NT5M: variants seen among roughly 807,000 people sequenced by gnomAD.
The protein encoded by NT5M is 5'(3')-deoxyribonucleotidase, mitochondrial.
Under a neutral mutation model 22.2 loss-of-function variants are expected in NT5M, and 22 were observed. The observed-to-expected ratio is 0.99, with a 90% CI of 0.71 to 1.41. The LOEUF is 1.41. Among genes scored for constraint, NT5M ranks in the 40% most tolerant of loss-of-function variants. The pLI is 0.00. For synonymous variants in NT5M, 167 were observed against 133.0 expected (o/e 1.26, Z -1.76); for missense variants, 322 against 314.8 (o/e 1.02, Z -0.17).
At chr17:17,345,048 G>A in intron 4 of NT5M, 140 bp downstream of exon 4, 1 of 1,295,198 alleles carries the variant, frequency 7.7e-7, no homozygotes, top group African/African-American at 1.5e-5. Context: ...CTCCCCTTCG[G>A]GAAGACAAGG....
chr17:17,325,995 C>T (rs1480705957), intron 3 of NT5M, among the ~76,000 whole-genome samples: 1 of 152,152 alleles, frequency 6.6e-6, no homozygotes, highest in East Asian at 1.9e-4. Context: ...AGGCTGGGCT[C>T]TCACCCTCCT....
intron 2 of NT5M, among the ~76,000 whole-genome samples, chr17:17,317,257 G>A (rs1456324764): frequency 6.6e-6 from 1 of 151,482 alleles, no homozygotes; most frequent in Non-Finnish European, 1.5e-5. Flanking sequence ...CACCGTATTA[G>A]CCAGGTTAGT....
At chr17:17,322,078 C>T (rs1430650385) in intron 2 of NT5M, among the ~76,000 whole-genome samples, 3 of 151,852 alleles carry the variant, frequency 2.0e-5, no homozygotes, top group Non-Finnish European at 4.4e-5. Flanking sequence ...TATGCACACA[C>T]ATATATGTGG....
chr17:17,304,449 C>G (rs1419886902), intron 1 of NT5M: 2 of 984,764 alleles, frequency 2.0e-6, no homozygotes, highest in African/African-American at 3.5e-5. Context: ...GGGAAAGATC[C>G]AAGGAGGGAC....
intron 2 of NT5M, among the ~76,000 whole-genome samples, chr17:17,316,398 A>G (rs2049028740): frequency 6.7e-6 from 1 of 148,630 alleles, no homozygotes; most frequent in Non-Finnish European, 1.5e-5. Flanking sequence ...TATTCGAGAC[A>G]GAGTTTCACT....
chr17:17,320,292 T>C (rs971434358), intron 2 of NT5M, among the ~76,000 whole-genome samples: 1 of 151,852 alleles, frequency 6.6e-6, no homozygotes, highest in Non-Finnish European at 1.5e-5. Flanking sequence ...CTTGGAGGGG[T>C]GAGAACTGGA....
chr17:17,330,292 C>T (rs906475964), intron 3 of NT5M, among the ~76,000 whole-genome samples: 4 of 144,000 alleles, frequency 2.8e-5, no homozygotes, highest in Non-Finnish European at 4.5e-5. Context: ...AGTCAGACTC[C>T]GTCTCAAAAA....
Position 17,303,586 on chromosome 17 carries a change from C to T in NT5M, c.36C>T (p.Leu12=). The part of the protein sequence containing the change: ...IRLGGWCARR[L]CSAAVPAGRR... ...TGGGCGGCTGGTGTGCGCGGCGGCT[C>T]TGCAGCGCGGCGGTTCCCGCGGGGC... Residue 12 remains leucine, a synonymous_variant, in exon 1 of 5, where the codon CTC becomes CTT. Transcript: ENST00000389022. The T allele has an allele frequency of 8.5e-7, 1 of 1,181,490 alleles. No individual in the cohort carries two copies. The highest frequency in any genetic ancestry group is 1.1e-6 in the Non-Finnish European group (1 of 951,952). The allele number at this position is 1,181,490 out of a possible 1,614,324, so 73.2% of individuals were successfully genotyped here.
chr17:17,341,017 C>T (rs2049631522), intron 3 of NT5M, among the ~76,000 whole-genome samples: 1 of 152,028 alleles, frequency 6.6e-6, no homozygotes, highest in African/African-American at 2.4e-5. Flanking sequence ...GTATGTTGTA[C>T]TTCCATTATC....
In NT5M at chr17:17,332,010, G is replaced by A. The variant is rs374940238; in HGVS notation, c.429+8765G>A. 5.6e-4 allele frequency among the ~76,000 whole-genome samples: 83 copies of A among 148,400 alleles called. 2 individuals are homozygous for A. The highest frequency in any genetic ancestry group is 1.5e-3 in the African/African-American group (58 of 37,990). On this transcript the variant is annotated intron_variant, in intron 3 of 4. Transcript: ENST00000389022. ...TTGGCCAGGATGGTCTTGATTTCCC[G>A]ACCTCATGATCCACCCGCCTCGGCC... is the stretch of plus-strand genomic sequence containing the variant.
At chr17:17,306,428 G>T (rs1346994453) in intron 1 of NT5M, 115 bp from the exon 2 acceptor site, 1 of 743,884 alleles carries the variant, frequency 1.3e-6, no homozygotes, top group Admixed American at 1.9e-5. Context: ...GTGTGTGTTT[G>T]GGGGAGTGAG....
intron 4 of NT5M, 122 bp from the exon 5 acceptor site, chr17:17,346,683 C>T (rs1047206066): frequency 9.1e-6 from 11 of 1,204,624 alleles, no homozygotes; most frequent in Non-Finnish European, 1.3e-5. Context: ...TGCAGTCACC[C>T]CTTTACAGAG....
intron 2 of NT5M, among the ~76,000 whole-genome samples, chr17:17,321,893 C>T (rs528692819): frequency 1.9e-4 from 29 of 151,968 alleles, no homozygotes; most frequent in African/African-American, 6.8e-4. Context: ...GCTGAAGCGT[C>T]GTGGGTGGTG....
chr17:17,321,936 G>T (rs1019786980), intron 2 of NT5M, among the ~76,000 whole-genome samples: 2 of 152,150 alleles, frequency 1.3e-5, no homozygotes, highest in East Asian at 2.0e-4. Context: ...CGAGGTTTTG[G>T]GGGGAAGTGA....
intron 3 of NT5M, among the ~76,000 whole-genome samples, chr17:17,331,282 C>A (rs2049379912): frequency 1.3e-5 from 2 of 148,904 alleles, no homozygotes; most frequent in South Asian, 4.2e-4. Flanking sequence ...GTGTTTCTGG[C>A]CCATACCGTG....
In NT5M at chr17:17,347,163, T is replaced by G; in HGVS notation, c.*216T>G. On this transcript the variant is annotated 3_prime_UTR_variant, in exon 5 of 5. Transcript: ENST00000389022. ...TGGGCGCTTGGACATAGACACGTGG[T>G]CCCAGGCCGTTCAGCCTGACCTCAG... 1 of 608,602 alleles carries G rather than the reference T, an allele frequency of 1.6e-6. No individual in the cohort carries two copies. The highest frequency in any genetic ancestry group is 3.0e-5 in the East Asian group (1 of 32,994). 37.7% of individuals were successfully genotyped at this position (608,602 alleles called of 1,614,324 possible).
In NT5M at chr17:17,303,407, C is replaced by G. The variant is rs548542874; in HGVS notation, c.-144C>G. ...CCGGTACTTGCGCGCCCGCACCCCG[C>G]GCTCCCCGCCCCGCTCCCCGTCCCG... is the stretch of plus-strand genomic sequence containing the variant. On this transcript the variant is annotated 5_prime_UTR_variant, in exon 1 of 5. Transcript: ENST00000389022. 1.6e-5 allele frequency: 15 copies of G among 953,422 alleles called. No individual in the cohort carries two copies. The African/African-American group carries it at 2.5e-4, about 16-fold the overall frequency. The allele number at this position is 953,422 out of a possible 1,614,324, so 59.1% of individuals were successfully genotyped here. A position where few individuals can be genotyped will look rare whatever the true frequency, so the allele number is the denominator to read the frequency against.
At chr17:17,317,171 T>C (rs1040957487) in intron 2 of NT5M, among the ~76,000 whole-genome samples, 1 of 151,326 alleles carries the variant, frequency 6.6e-6, no homozygotes, top group African/African-American at 2.4e-5. Context: ...TGCCTCAGCC[T>C]CCCGAGTAGC....
At chr17:17,305,882 G>A (rs1021007918) in intron 1 of NT5M, among the ~76,000 whole-genome samples, 1 of 152,154 alleles carries the variant, frequency 6.6e-6, no homozygotes, top group Non-Finnish European at 1.5e-5. Context: ...GTTTTGCTGT[G>A]TGACATCAGG....
Sources: gnomAD v4.1 joint callset for allele counts (sites outside exome capture counted in the v4.1 genomes callset) on GRCh38, gnomAD v4.1.1 for gene constraint, MANE v1.5 for transcripts, NCBI Gene and HGNC (gene_info 2026-07-23, HGNC 2026-07-21) for gene names.